Variants in TTC7A observed in about 807,000 individuals in gnomAD.
The protein encoded by TTC7A is tetratricopeptide repeat domain 7A, also known as tetratricopeptide repeat protein 7A.
A neutral mutation model predicts 103.7 loss-of-function variants in TTC7A; 110 were observed. That is an observed-to-expected ratio of 1.06 (90% CI 0.91 to 1.24). The LOEUF (loss-of-function observed/expected upper bound fraction) is 1.24, where lower values mean the gene tolerates loss of function less well. Ranked by LOEUF, TTC7A falls within the 50% of genes most tolerant of loss-of-function variation. The probability of loss-of-function intolerance (pLI) is 0.00; values close to 1 mark genes in which losing one functional copy is unlikely to be tolerated. For missense variants in TTC7A, 1,340 were observed against 1,116.3 expected, an observed-to-expected ratio of 1.20 and a Z score of -2.86; for synonymous variants, 521 against 467.9, an observed-to-expected ratio of 1.11 and a Z score of -1.47.
At chr2:47,012,637 A>G (rs973616523) in intron 11 of TTC7A, among the ~76,000 whole-genome samples, 2 of 152,148 alleles carry the variant, frequency 1.3e-5, no homozygotes, top group Non-Finnish European at 2.9e-5. Flanking sequence ...GGAGGGAGGC[A>G]ATGAGCTTTC....
At chr2:47,017,186 G>GC (rs1678750536) in intron 11 of TTC7A, among the ~76,000 whole-genome samples, 1 of 103,418 alleles carries the variant, frequency 9.7e-6, no homozygotes, top group Non-Finnish European at 1.8e-5. Flanking sequence ...GGCAACAAGA[G>GC]CGACACTCTG....
At chr2:47,024,752 C>T (rs1558593353) in intron 14 of TTC7A, among the ~76,000 whole-genome samples, 1 of 152,108 alleles carries the variant, frequency 6.6e-6, no homozygotes, top group South Asian at 2.1e-4. Flanking sequence ...TTCTCTGTGA[C>T]CCCCAAGCTA....
chr2:46,983,866 A>G (rs182096774), intron 5 of TTC7A, among the ~76,000 whole-genome samples: 46 of 152,278 alleles, frequency 3.0e-4, no homozygotes, highest in African/African-American at 1.1e-3. Context: ...CCTCCCAAGG[A>G]CCTGTATAGG....
chr2:46,995,292 C>A, intron 8 of TTC7A, 93 bp downstream of exon 8: 1 of 1,230,244 alleles, frequency 8.1e-7, no homozygotes. Flanking sequence ...GTGACCTAGC[C>A]AAACTCTGTC....
At chr2:46,994,208 C>A in intron 6 of TTC7A, 149 bp from the exon 7 acceptor site, 1 of 881,006 alleles carries the variant, frequency 1.1e-6, no homozygotes, top group Non-Finnish European at 1.7e-6. Flanking sequence ...AGCAAGGGGG[C>A]TCCTTGGGAG....
chr2:46,993,603 G>A, intron 6 of TTC7A, 75 bp downstream of exon 6: 5 of 1,441,892 alleles, frequency 3.5e-6, no homozygotes, highest in South Asian at 1.1e-5. Context: ...TCCTTGCAGG[G>A]AGCCTGTGAA....
Position 47,051,737 on chromosome 2 carries a change from G to T in TTC7A, c.2018-9G>T. The T allele has an allele frequency of 1.9e-6, 3 of 1,607,798 alleles. No individual in the cohort carries two copies. In the South Asian group the frequency reaches 3.3e-5, roughly 18 times the overall value. On this transcript the variant is annotated splice_polypyrimidine_tract_variant and intron_variant, in intron 17 of 19. Transcript: ENST00000319190. ...ACCACTGCTCGGCTCGTGCCCTCTT[G>T]CTCTGCAGGCTCCCGGCGGGCTTCG...
chr2:46,977,852 C>A (rs965193988), intron 4 of TTC7A, among the ~76,000 whole-genome samples: 2 of 152,192 alleles, frequency 1.3e-5, no homozygotes, highest in Non-Finnish European at 2.9e-5. Context: ...GGATTATAAA[C>A]GTGAGCCACC....
chr2:46,975,706 T>C (rs1673813335), intron 4 of TTC7A, among the ~76,000 whole-genome samples: 2 of 152,138 alleles, frequency 1.3e-5, no homozygotes, highest in Admixed American at 6.5e-5. Context: ...TTTTTTTACT[T>C]TTATTTTTAA....
rs151032299 is a variant in TTC7A at position 47,073,830 on chromosome 2, G to C, written c.2484G>C (p.Gln828His). The C allele has an allele frequency of 1.5e-4, 235 of 1,613,748 alleles. 1 individual carries two copies. In the African/African-American group the frequency reaches 3.0e-3, roughly 20 times the overall value. ...GLGEVLQAQG[Q>H]NEAAVDCFLT... ...GCGAGGTGCTGCAGGCCCAGGGCCAGAACGAGGCTGCCGTTGACTGCTTCC... is the reference window on the plus strand; with the variant it reads ...GCGAGGTGCTGCAGGCCCAGGGCCACAACGAGGCTGCCGTTGACTGCTTCC... Residue 828 changes from glutamine to histidine, a missense_variant, in exon 20 of 20, where the codon CAG becomes CAC. Transcript: ENST00000319190.
intron 15 of TTC7A, among the ~76,000 whole-genome samples, chr2:47,034,907 G>A (rs765636401): frequency 7.9e-5 from 12 of 152,178 alleles, no homozygotes; most frequent in Non-Finnish European, 1.5e-4. Flanking sequence ...GCCAGAGCAC[G>A]TGCCTGTAAA....
At chr2:46,982,570 C>T (rs1480027919) in intron 5 of TTC7A, among the ~76,000 whole-genome samples, 2 of 152,194 alleles carry the variant, frequency 1.3e-5, no homozygotes, top group African/African-American at 2.4e-5. Context: ...CCTCTGCTTT[C>T]CTTATCTGTA....
upstream of TTC7A, among the ~76,000 whole-genome samples, chr2:46,940,718 G>A (rs1670256297): frequency 6.6e-6 from 1 of 152,226 alleles, no homozygotes; most frequent in Non-Finnish European, 1.5e-5. This position sits in a 1 kb window ranked among gnomAD's most constrained non-coding sequence, Gnocchi z 4.7. Flanking sequence ...CCAGCAGAGG[G>A]GCGTCCAGAG....
At chr2:46,993,592 G>A (rs895095000) in intron 6 of TTC7A, 64 bp downstream of exon 6, 17 of 1,493,562 alleles carry the variant, frequency 1.1e-5, no homozygotes, top group African/African-American at 4.1e-5. Context: ...GACAACAGAA[G>A]TCCTTGCAGG....
chr2:46,997,573 A>G (rs1676344522), intron 8 of TTC7A, among the ~76,000 whole-genome samples: 1 of 152,196 alleles, frequency 6.6e-6, no homozygotes, highest in Admixed American at 6.5e-5. Context: ...TCATATACTA[A>G]TAAGCCTTGA....
intron 10 of TTC7A, among the ~76,000 whole-genome samples, chr2:47,010,980 G>A (rs774911006): frequency 2.6e-5 from 4 of 152,108 alleles, no homozygotes; most frequent in Non-Finnish European, 4.4e-5. Flanking sequence ...GATTGCAGGC[G>A]TGAGCCACCG....
chr2:47,054,872 G>C (rs1049910937), intron 18 of TTC7A, among the ~76,000 whole-genome samples: 2 of 151,576 alleles, frequency 1.3e-5, no homozygotes, highest in Non-Finnish European at 2.9e-5. Flanking sequence ...TATCCTGCTA[G>C]AAGAAGGGGA....
intron 18 of TTC7A, among the ~76,000 whole-genome samples, chr2:47,054,741 G>A (rs1437182155): frequency 6.6e-6 from 1 of 151,740 alleles, no homozygotes; most frequent in Non-Finnish European, 1.5e-5. Flanking sequence ...AGGCTGAGGT[G>A]GGAGGATCAC....
intron 2 of TTC7A, among the ~76,000 whole-genome samples, chr2:46,951,305 A>G (rs1475586547): frequency 1.3e-5 from 2 of 152,206 alleles, no homozygotes; most frequent in South Asian, 2.1e-4. Flanking sequence ...TAGAAATGCA[A>G]TTAAGAGAAA....
Sources: allele counts gnomAD v4.1 joint callset (sites outside exome capture counted in the v4.1 genomes callset), GRCh38; gene constraint gnomAD v4.1.1; non-coding constraint Gnocchi (gnomAD v3.1); transcripts MANE v1.5; gene names NCBI Gene and HGNC (gene_info 2026-07-23, HGNC 2026-07-21).